SMPDL3B: variants seen among roughly 807,000 people sequenced by gnomAD.
SMPDL3B encodes the protein sphingomyelin phosphodiesterase acid like 3B, also known as acid sphingomyelinase-like phosphodiesterase 3b.
A neutral mutation model predicts 37.9 loss-of-function variants in SMPDL3B; 31 were observed. That is an observed-to-expected ratio of 0.82 (90% CI 0.61 to 1.10). The LOEUF (loss-of-function observed/expected upper bound fraction) is 1.10, where lower values mean the gene tolerates loss of function less well. SMPDL3B is among the 50% of genes least tolerant of loss of function. SMPDL3B has a pLI of 0.00. For synonymous variants in SMPDL3B, 235 were observed against 242.6 expected (o/e 0.97, Z 0.29); for missense variants, 525 against 597.8 (o/e 0.88, Z 1.27).
rs577122377 is a variant in SMPDL3B at position 27,947,358 on chromosome 1, G to C, written c.276-1707G>C. Among the ~76,000 whole-genome samples the C allele has an allele frequency of 3.3e-5, 5 of 151,954 alleles. No homozygotes were observed. The South Asian group carries it at 8.3e-4, about 25-fold the overall frequency. ...GCCACAGTTGCACCTTTTTTTCCTG[G>C]GAAATCTCTGAGACCTTGAAGAGGT... On this transcript the variant is annotated intron_variant, in intron 2 of 7. Coordinates refer to ENST00000373894, the MANE Select transcript of SMPDL3B (RefSeq NM_014474.4).
chr1:27,954,505 T>C lies in SMPDL3B; in HGVS notation c.669T>C (p.Asp223=), dbSNP rs1355263658. 6.2e-7 allele frequency: 1 copy of C among 1,613,842 alleles called. No homozygotes were observed. The change falls in exon 5 of 8, where the codon GAT becomes GAC. Residue 223 remains aspartate, a synonymous_variant. Transcript: ENST00000373894. ...QFQWLEDVLT[D]ASKAGDMVYI... ...AGTGGCTGGAAGATGTGCTGACCGATGCATCCAAAGCTGGGGACATGGTAA... is the reference window on the plus strand; with the variant it reads ...AGTGGCTGGAAGATGTGCTGACCGACGCATCCAAAGCTGGGGACATGGTAA...
At chr1:27,955,603 C>A (rs2148681376) in intron 5 of SMPDL3B, 81 bp from the exon 6 acceptor site, 8 of 1,416,010 alleles carry the variant, frequency 5.6e-6, no homozygotes, top group Middle Eastern at 2.5e-4. Flanking sequence ...GCCTTTGGGG[C>A]AATTTGCAGG....
intron 3 of SMPDL3B, among the ~76,000 whole-genome samples, chr1:27,949,502 C>T (rs1571657755): frequency 6.6e-6 from 1 of 152,300 alleles, no homozygotes; most frequent in South Asian, 2.1e-4. Flanking sequence ...ACACACAGCC[C>T]TTGTGTCCTG....
chr1:27,949,909 A>G (rs1341006865), intron 3 of SMPDL3B, among the ~76,000 whole-genome samples: 1 of 152,036 alleles, frequency 6.6e-6, no homozygotes, highest in Admixed American at 6.6e-5. Context: ...AGTAATAATA[A>G]AAATAAATAA....
At chr1:27,940,354 T>A (rs933974564) in intron 1 of SMPDL3B, among the ~76,000 whole-genome samples, 1 of 152,160 alleles carries the variant, frequency 6.6e-6, no homozygotes, top group Admixed American at 6.5e-5. Flanking sequence ...ACGTGGCCAC[T>A]CCCCACCTTG....
At position 27,944,093 on chromosome 1, in the gene SMPDL3B, T is replaced by C. The variant is rs184491259; in HGVS notation, c.62-1139T>C. On this transcript the variant is annotated intron_variant, in intron 1 of 7. Transcript: ENST00000373894. ...AGAAGTCTACTCCATCTCACCTGTT[T>C]CTTTGGATTCCTTTCTCTTTATTAC... 4.2e-3 allele frequency among the ~76,000 whole-genome samples: 635 copies of C among 152,060 alleles called. 5 individuals are homozygous for C. The highest frequency in any genetic ancestry group is 7.2e-3 in the Non-Finnish European group (490 of 67,998).
intron 1 of SMPDL3B, among the ~76,000 whole-genome samples, chr1:27,944,597 C>CCTGGCCTCAAA (rs2090390789): frequency 6.6e-6 from 1 of 152,124 alleles, no homozygotes; most frequent in African/African-American, 2.4e-5. Flanking sequence ...CTCAAAGAAT[C>CCTGGCCTCAAA]ATCTTACCTT....
chr1:27,955,654 G>A, intron 5 of SMPDL3B, 30 bp from the exon 6 acceptor site: 1 of 1,598,616 alleles, frequency 6.3e-7, no homozygotes, highest in Non-Finnish European at 8.6e-7. Flanking sequence ...GGGCATCTGT[G>A]AGCCTCTTCT....
At position 27,953,290 on chromosome 1, in the gene SMPDL3B, T is replaced by C. The variant is rs753627399; in HGVS notation, c.449T>C (p.Ile150Thr). The change falls in exon 4 of 8, where the codon ATC (isoleucine) becomes ACC (threonine). Residue 150 changes from isoleucine to threonine, a missense_variant. Physicochemically the swap from Ile to Thr is moderately conservative, Grantham distance 89. Coordinates refer to ENST00000373894, the MANE Select transcript of SMPDL3B (RefSeq NM_014474.4). ...CAGTTCCCAGCTGGAAGTAACAACA[T>C]CTACAATCAGATAGCAGAACTATGG... ...KNQFPAGSNN[I>T]YNQIAELWKP... The C allele has an allele frequency of 7.4e-6, 12 of 1,613,742 alleles. No individual in the cohort carries two copies. The highest frequency in any genetic ancestry group is 1.0e-5 in the Non-Finnish European group (12 of 1,179,690).
Position 27,949,084 on chromosome 1 carries a change from C to G in SMPDL3B, c.295C>G (p.Pro99Ala). 1 of 1,614,164 alleles carries G rather than the reference C, an allele frequency of 6.2e-7. No individual in the cohort carries two copies. Among genetic ancestry groups the G allele is most frequent in the Non-Finnish European group, 8.5e-7 (1 of 1,180,002 alleles). The change falls in exon 3 of 8, where the codon CCC (proline) becomes GCC (alanine). Residue 99 changes from proline to alanine, a missense_variant. By Grantham distance (27) the Pro-to-Ala change is conservative (BLOSUM62 -1). Transcript: ENST00000373894. ...TTGTAGTGATGACACGCCTCATGTG[C>G]CCGATGAGAAACTGGGAGAGGCAGC... ...LWTGDDTPHV[P>A]DEKLGEAAVL...
chr1:27,938,909 T>C (rs1396332931), intron 1 of SMPDL3B: 1 of 152,216 alleles, frequency 6.6e-6, no homozygotes, highest in African/African-American at 2.4e-5. Context: ...ATTTTTGACT[T>C]ATGATATTTT....
intron 1 of SMPDL3B, among the ~76,000 whole-genome samples, chr1:27,940,894 A>C (rs2090351704): frequency 6.6e-6 from 1 of 152,146 alleles, no homozygotes; most frequent in Non-Finnish European, 1.5e-5. Context: ...CCAAGGGGTA[A>C]TTGCAGGTAA....
Position 27,953,277 on chromosome 1 carries a change from G to A in SMPDL3B, c.436G>A (p.Gly146Arg). 6.2e-7 allele frequency: 1 copy of A among 1,613,496 alleles called. No individual in the cohort carries two copies. Among genetic ancestry groups the A allele is most frequent in the Non-Finnish European group, 8.5e-7 (1 of 1,179,466 alleles). ...TCACCCCAAAAACCAGTTCCCAGCT[G>A]GAAGTAACAACATCTACAATCAGAT... ...DFHPKNQFPA[G>R]SNNIYNQIAE... The change falls in exon 4 of 8, where the codon GGA becomes AGA. Residue 146 changes from glycine to arginine, a missense_variant. Coordinates refer to ENST00000373894, the MANE Select transcript of SMPDL3B (RefSeq NM_014474.4).
In SMPDL3B at chr1:27,955,860, T is replaced by A. The variant is rs1638243947; in HGVS notation, c.867T>A (p.Asp289Glu). 1 of 1,613,146 alleles carries A rather than the reference T, an allele frequency of 6.2e-7. No individual in the cohort carries two copies. The highest frequency in any genetic ancestry group is 1.3e-5 in the African/African-American group (1 of 75,004). The change falls in exon 6 of 8, where the codon GAT (aspartate) becomes GAA (glutamate). Residue 289 changes from aspartate (D) to glutamate (E), a missense_variant. Coordinates refer to ENST00000373894, the MANE Select transcript of SMPDL3B (RefSeq NM_014474.4). The stretch of plus-strand genomic sequence containing the variant: ...ACAGCTTTCGGATGCTCTATGATGA[T>A]GCAGGTATTCAACCTGGAGGGCAAC... ...HTDSFRMLYD[D>E]AGVPISAMFI...
rs1447483605 is a variant in SMPDL3B at position 27,958,811 on chromosome 1, G to A, written c.1341G>A (p.Leu447=). Residue 447 remains leucine, a synonymous_variant, in exon 8 of 8, where the codon CTG becomes CTA. Transcript: ENST00000373894. This position sits in a 1 kb window ranked among gnomAD's most constrained non-coding sequence, Gnocchi z 5.6. ...AGCTCCCGCTGCTGCTGATGGCCCT[G>A]CTGGGCCTGTGCACGCTCGTGCTGT... ...VPQLPLLLMA[L]LGLCTLVL 4 of 1,604,210 alleles carry A rather than the reference G, an allele frequency of 2.5e-6. No individual in the cohort carries two copies. The highest frequency in any genetic ancestry group is 3.4e-6 in the Non-Finnish European group (4 of 1,173,950).
intron 3 of SMPDL3B, among the ~76,000 whole-genome samples, chr1:27,949,681 A>G (rs915039517): frequency 6.6e-6 from 1 of 152,166 alleles, no homozygotes; most frequent in Non-Finnish European, 1.5e-5. Flanking sequence ...GGGACACTAT[A>G]GGGTGAATAG....
At chr1:27,954,331 C>T (rs768075170) in intron 4 of SMPDL3B, 23 bp from the exon 5 acceptor site, 20 of 1,602,390 alleles carry the variant, frequency 1.2e-5, no homozygotes, top group Admixed American at 1.7e-5. Flanking sequence ...GGGCCTCCTT[C>T]ATATTGTCCC....
chr1:27,956,355 C>A (rs1353994027), intron 7 of SMPDL3B: 2 of 1,328,922 alleles, frequency 1.5e-6, no homozygotes, highest in Admixed American at 2.8e-5. Context: ...TATGGCCCAT[C>A]CGCTACACAA....
At chr1:27,946,922 G>C (rs903874959) in intron 2 of SMPDL3B, among the ~76,000 whole-genome samples, 1 of 152,206 alleles carries the variant, frequency 6.6e-6, no homozygotes, top group Non-Finnish European at 1.5e-5. Context: ...TTTGGTCCAT[G>C]ACCTTGGGCC....
Sources: allele counts gnomAD v4.1 joint callset (sites outside exome capture counted in the v4.1 genomes callset), GRCh38; gene constraint gnomAD v4.1.1; non-coding constraint Gnocchi (gnomAD v3.1); transcripts MANE v1.5; gene names NCBI Gene and HGNC (gene_info 2026-07-23, HGNC 2026-07-21).